SLC29A4: variants seen among roughly 807,000 people sequenced by gnomAD.
SLC29A4 encodes solute carrier family 29 member 4.
SLC29A4 carries 36 observed loss-of-function variants against 43.9 expected under a neutral mutation model. The observed-to-expected ratio is 0.82, with a 90% confidence interval of 0.63 to 1.08. The LOEUF (loss-of-function observed/expected upper bound fraction) is 1.08. Ranked by LOEUF, SLC29A4 falls within the 50% of genes least tolerant of loss-of-function variation. The pLI, the probability that SLC29A4 is intolerant of heterozygous loss-of-function variation, is 0.00. For synonymous variants in SLC29A4, 491 were observed against 338.0 expected, an observed-to-expected ratio of 1.45 and a Z score of -4.97; for missense variants, 869 against 755.3, an observed-to-expected ratio of 1.15 and a Z score of -1.77.
rs1368734440 is a variant in SLC29A4 at position 5,291,541 on chromosome 7, G to C, written c.416-152G>C. On this transcript the variant is annotated intron_variant, in intron 4 of 10. Coordinates refer to ENST00000396872, the MANE Select transcript of SLC29A4 (RefSeq NM_153247.4). ...GGTGCCTCCTACAGGAAGCCCTCCA[G>C]GTGCCCCTGTTAGACTCGTAAAGCA... is the stretch of plus-strand genomic sequence containing the variant. 3.8e-6 allele frequency: 4 copies of C among 1,060,086 alleles called. No homozygotes were observed. In the African/African-American group the frequency reaches 6.4e-5, roughly 17 times the overall value. 65.7% of individuals were successfully genotyped at this position (1,060,086 alleles called of 1,614,324 possible).
chr7:5,297,346 C>T (rs1249242858), intron 7 of SLC29A4, 148 bp downstream of exon 7: 12 of 986,310 alleles, frequency 1.2e-5, no homozygotes, highest in Admixed American at 3.2e-5. Context: ...TGCCAGCCTC[C>T]TTTATTCTGT....
Position 5,291,818 on chromosome 7 carries a change from A to C in SLC29A4, c.541A>C (p.Thr181Pro). Residue 181 changes from threonine (T) to proline (P), a missense_variant, in exon 5 of 11, where the codon ACA becomes CCA. By Grantham distance (38) the Thr-to-Pro change is conservative (BLOSUM62 -1). Transcript: ENST00000396872. ...TGTGGGCACCGTGGCCTTCGGCTGC[A>C]CAGGTAGGAACCGGGGCCCAAGGGG... is the stretch of plus-strand genomic sequence containing the variant. ...AAVGTVAFGC[T>P]VQQSSFYGYT... 2 of 1,611,218 alleles carry C rather than the reference A, an allele frequency of 1.2e-6. No individual in the cohort carries two copies. Among genetic ancestry groups the C allele is most frequent in the Non-Finnish European group, 1.7e-6 (2 of 1,179,358 alleles).
chr7:5,296,910 C>T (rs770206744), intron 6 of SLC29A4, 26 bp from the exon 7 acceptor site: 26 of 1,567,592 alleles, frequency 1.7e-5, no homozygotes, highest in South Asian at 7.0e-5. Context: ...CGGATCAGGC[C>T]CCGGCCCACT....
At chr7:5,297,278 C>T (rs1785774093) in intron 7 of SLC29A4, 80 bp downstream of exon 7, 4 of 1,407,292 alleles carry the variant, frequency 2.8e-6, no homozygotes, top group Non-Finnish European at 3.7e-6. Flanking sequence ...GTACCTGGGG[C>T]CCAGCCTCTC....
At chr7:5,294,403 A>C (rs987438038) in intron 5 of SLC29A4, among the ~76,000 whole-genome samples, 7 of 152,156 alleles carry the variant, frequency 4.6e-5, no homozygotes, top group Admixed American at 4.6e-4. Flanking sequence ...GCTGTATAAC[A>C]AATAGCCCAG....
chr7:5,292,255 C>T (rs180744867), intron 5 of SLC29A4, among the ~76,000 whole-genome samples: 59 of 152,246 alleles, frequency 3.9e-4, no homozygotes, highest in African/African-American at 1.4e-3. Context: ...GGACCTCAGG[C>T]ACATGCCACC....
intron 5 of SLC29A4, among the ~76,000 whole-genome samples, chr7:5,292,846 C>A (rs1785394581): frequency 6.6e-6 from 1 of 151,180 alleles, no homozygotes; most frequent in Non-Finnish European, 1.5e-5. Flanking sequence ...TTACAGGTGC[C>A]CGCCACCATG....
At chr7:5,286,275 A>T (rs1258356329) in intron 1 of SLC29A4, among the ~76,000 whole-genome samples, 1 of 152,130 alleles carries the variant, frequency 6.6e-6, no homozygotes, top group Non-Finnish European at 1.5e-5. Flanking sequence ...CTGTAATCCT[A>T]GCACTTTGGG....
At chr7:5,293,804 T>A (rs561451964) in intron 5 of SLC29A4, among the ~76,000 whole-genome samples, 1 of 152,132 alleles carries the variant, frequency 6.6e-6, no homozygotes, top group Non-Finnish European at 1.5e-5. Flanking sequence ...TGCACCCAGC[T>A]AATTTTTAAA....
rs934269616 is a variant in SLC29A4 at position 5,282,988 on chromosome 7, G to A, written c.-103G>A. On this transcript the variant is annotated 5_prime_UTR_variant, in exon 1 of 11. Transcript: ENST00000396872. ...TGGACCGGGGCCGGGCGGACTCGGG[G>A]ACCGGCGGAGGACGCCGGGCGCGCC... 7.4e-6 allele frequency: 1 copy of A among 135,476 alleles called. No homozygotes were observed. The highest frequency in any genetic ancestry group is 1.6e-5 in the Non-Finnish European group (1 of 61,030). The allele number at this position is 135,476 out of a possible 1,614,324, so 8.4% of individuals were successfully genotyped here. A position where few individuals can be genotyped will look rare whatever the true frequency, so the allele number is the denominator to read the frequency against.
In SLC29A4 at chr7:5,298,973, C is replaced by T. The variant is rs760296918; in HGVS notation, c.883-15C>T. ...CCTTCCACTCCAACCCCATCCCACT[C>T]CATCCTCCCTCCAGGAGCACCCAGC... On this transcript the variant is annotated splice_polypyrimidine_tract_variant and intron_variant, in intron 7 of 10. Transcript: ENST00000396872. 8.1e-6 allele frequency: 13 copies of T among 1,605,062 alleles called. No individual in the cohort carries two copies. In the South Asian group the frequency reaches 1.1e-4, roughly 14 times the overall value.
chr7:5,283,862 GTCC>G (rs2128085331), intron 1 of SLC29A4, among the ~76,000 whole-genome samples: 1 of 152,348 alleles, frequency 6.6e-6, no homozygotes, highest in Admixed American at 6.5e-5. Context: ...GGTTCCCCTG[GTCC>G]TTCCTGGCTG....
rs1245140117 is a variant in SLC29A4 at position 5,290,749 on chromosome 7, C to T, written c.187C>T (p.Pro63Ser). ...GGCTTTAGCATTGGACGAGCCAGTGCCCGATGACCGTTATCACGCCATCTA... is the reference window on the plus strand; with the variant it reads ...GGCTTTAGCATTGGACGAGCCAGTGTCCGATGACCGTTATCACGCCATCTA... ...FTDTTLDEPV[P>S]DDRYHAIYFA... The change falls in exon 3 of 11, where the codon CCC becomes TCC. Residue 63 changes from proline (P) to serine (S), a missense_variant. Transcript: ENST00000396872. The T allele has an allele frequency of 6.2e-7, 1 of 1,612,378 alleles. No homozygotes were observed. Among genetic ancestry groups the T allele is most frequent in the South Asian group, 1.1e-5 (1 of 90,922 alleles).
chr7:5,302,283 C>T (rs1786223001), intron 10 of SLC29A4, among the ~76,000 whole-genome samples: 3 of 152,128 alleles, frequency 2.0e-5, no homozygotes. Flanking sequence ...AGGGTTAGGG[C>T]CAGGCTCACT....
chr7:5,301,467 A>G (rs546569290), intron 10 of SLC29A4, among the ~76,000 whole-genome samples: 50 of 152,226 alleles, frequency 3.3e-4, no homozygotes, highest in Admixed American at 1.6e-3. Flanking sequence ...GGAGATAGCC[A>G]TGTGAGGATG....
intron 10 of SLC29A4, among the ~76,000 whole-genome samples, chr7:5,301,576 G>A (rs1158818642): frequency 1.3e-5 from 2 of 152,206 alleles, no homozygotes; most frequent in African/African-American, 4.8e-5. Flanking sequence ...TTTGATGGTT[G>A]ATAAAGCATC....
At chr7:5,286,548 A>C (rs1231341170) in intron 1 of SLC29A4, among the ~76,000 whole-genome samples, 4 of 141,608 alleles carry the variant, frequency 2.8e-5, no homozygotes, top group Admixed American at 2.7e-4. Context: ...AAAAGAAAAA[A>C]ATCATTTTAG....
chr7:5,293,335 C>T (rs1785437516), intron 5 of SLC29A4, among the ~76,000 whole-genome samples: 1 of 151,824 alleles, frequency 6.6e-6, no homozygotes, highest in African/African-American at 2.4e-5. Flanking sequence ...CCACACCTGG[C>T]TAATTTGTGT....
chr7:5,292,731 C>T (rs1235183740), intron 5 of SLC29A4, among the ~76,000 whole-genome samples: 5 of 95,924 alleles, frequency 5.2e-5, no homozygotes, highest in Non-Finnish European at 8.0e-5. Context: ...GACAGTCTCA[C>T]TCTGTCGCCC....
Sources: gnomAD v4.1 joint callset for allele counts (sites outside exome capture counted in the v4.1 genomes callset) on GRCh38, gnomAD v4.1.1 for gene constraint, MANE v1.5 for transcripts, NCBI Gene and HGNC (gene_info 2026-07-23, HGNC 2026-07-21) for gene names.